ZPLD1: variants seen among roughly 807,000 people sequenced by gnomAD.
ZPLD1 encodes the protein zona pellucida like domain containing 1, also known as zona pellucida-like domain-containing protein 1.
In ZPLD1, 34 loss-of-function variants were observed where a neutral mutation model predicts 47.2. That is an observed-to-expected ratio of 0.72 (90% CI 0.55 to 0.96). The LOEUF (loss-of-function observed/expected upper bound fraction) is 0.96, where lower values mean the gene tolerates loss of function less well. Among genes scored for constraint, ZPLD1 ranks in the 40% least tolerant of loss-of-function variants. The pLI is 0.00. For synonymous variants in ZPLD1, 176 were observed against 186.2 expected (o/e 0.95, Z 0.45); for missense variants, 512 against 505.8 (o/e 1.01, Z -0.12).
At chr3:102,412,635 ATAAG>A (rs1453341054) in intron 7 of ZPLD1, among the ~76,000 whole-genome samples, 5 of 151,802 alleles carry the variant, frequency 3.3e-5, no homozygotes, top group Non-Finnish European at 7.4e-5. Context: ...AGGAGGAAGA[ATAAG>A]TAACTATAAC....
chr3:102,412,857 A>G (rs1029872954), intron 7 of ZPLD1, among the ~76,000 whole-genome samples: 3 of 151,554 alleles, frequency 2.0e-5, no homozygotes, highest in African/African-American at 4.8e-5. Context: ...GTGTGTGTGC[A>G]AGAGAGGGAG....
At chr3:102,453,469 A>C (rs1415395081) in intron 4 of ZPLD1, among the ~76,000 whole-genome samples, 1 of 152,202 alleles carries the variant, frequency 6.6e-6, no homozygotes, top group East Asian at 1.9e-4. Context: ...ATATCTGACC[A>C]TTCAAACAAT....
intron 9 of ZPLD1, among the ~76,000 whole-genome samples, chr3:102,469,656 G>A (rs2107354266): frequency 6.6e-6 from 1 of 152,280 alleles, no homozygotes; most frequent in East Asian, 1.9e-4. Context: ...TTCTTCAGTA[G>A]GGTTGTAGAG....
At chr3:102,447,206 C>A (rs1373019081) in intron 3 of ZPLD1, among the ~76,000 whole-genome samples, 1 of 152,150 alleles carries the variant, frequency 6.6e-6, no homozygotes, top group Non-Finnish European at 1.5e-5. Context: ...GCTGGGATTA[C>A]AGACATGCGT....
At chr3:102,416,488 A>G (rs746485958) in intron 7 of ZPLD1, among the ~76,000 whole-genome samples, 1 of 151,942 alleles carries the variant, frequency 6.6e-6, no homozygotes, top group African/African-American at 2.4e-5. Context: ...AACCTGAAAC[A>G]TTGCTTGAAA....
intron 7 of ZPLD1, among the ~76,000 whole-genome samples, chr3:102,412,929 G>T (rs1320530195): frequency 2.6e-5 from 4 of 151,608 alleles, no homozygotes; most frequent in African/African-American, 9.7e-5. Flanking sequence ...GGGCGTATTG[G>T]ATTAATTATA....
At chr3:102,447,728 G>A (rs1263668144) in intron 3 of ZPLD1, among the ~76,000 whole-genome samples, 1 of 152,088 alleles carries the variant, frequency 6.6e-6, no homozygotes, top group Non-Finnish European at 1.5e-5. Context: ...TTTAAGTAAG[G>A]TCAGTATAAA....
chr3:102,469,276 A>G (rs1310938309), intron 9 of ZPLD1, 141 bp downstream of exon 9: 3 of 900,068 alleles, frequency 3.3e-6, no homozygotes, highest in South Asian at 4.0e-5. Flanking sequence ...TCATTTGTCT[A>G]GTAAAGATCT....
chr3:102,450,033 A>G (rs900977166), intron 3 of ZPLD1, among the ~76,000 whole-genome samples: 2 of 152,204 alleles, frequency 1.3e-5, no homozygotes, highest in African/African-American at 4.8e-5. Context: ...AAATACATAT[A>G]TGATTCTAAG....
intron 7 of ZPLD1, among the ~76,000 whole-genome samples, chr3:102,415,154 A>G (rs563227905): frequency 6.6e-5 from 10 of 151,962 alleles, no homozygotes; most frequent in African/African-American, 2.4e-4. Context: ...TCCCATTAGG[A>G]CATAGAGCCA....
rs1005644256 is a variant in ZPLD1 at position 102,478,904 on chromosome 3, G to T, written c.*1286G>T. ...GCCATGTTAACTATAAGCAATTGCT[G>T]TAATCACTAATTTCTATTCAACATT... On this transcript the variant is annotated 3_prime_UTR_variant, in exon 12 of 12. Coordinates refer to ENST00000466937, the MANE Select transcript of ZPLD1 (RefSeq NM_001329788.2). The T allele has an allele frequency of 5.9e-5, 9 of 152,162 alleles. No individual in the cohort carries two copies. Among genetic ancestry groups the T allele is most frequent in the Admixed American group, 5.2e-4 (8 of 15,272 alleles). 9.4% of individuals were successfully genotyped at this position (152,162 alleles called of 1,614,324 possible). A position where few individuals can be genotyped will look rare whatever the true frequency, so the allele number is the denominator to read the frequency against.
chr3:102,431,658 C>G (rs1270181518), upstream of ZPLD1, among the ~76,000 whole-genome samples: 1 of 152,148 alleles, frequency 6.6e-6, no homozygotes, highest in African/African-American at 2.4e-5. Context: ...CCTGTAATCC[C>G]AGAATTTTGG....
intron 6 of ZPLD1, among the ~76,000 whole-genome samples, chr3:102,459,994 T>G (rs1707481581): frequency 6.6e-6 from 1 of 152,114 alleles, no homozygotes; most frequent in South Asian, 2.1e-4. Flanking sequence ...CTAAAAATTT[T>G]TTAACACAGT....
intron 7 of ZPLD1, among the ~76,000 whole-genome samples, chr3:102,393,047 T>C (rs547346806): frequency 2.6e-5 from 4 of 152,318 alleles, no homozygotes; most frequent in African/African-American, 9.6e-5. Context: ...CTATAATTTC[T>C]TATCTAAGGC....
At chr3:102,411,558 G>A (rs931176768) in intron 7 of ZPLD1, among the ~76,000 whole-genome samples, 1 of 151,714 alleles carries the variant, frequency 6.6e-6, no homozygotes, top group Non-Finnish European at 1.5e-5. Flanking sequence ...ACTGGGCTTG[G>A]TGAAGCAAGT....
At chr3:102,448,561 A>T (rs1707292581) in intron 3 of ZPLD1, among the ~76,000 whole-genome samples, 1 of 152,210 alleles carries the variant, frequency 6.6e-6, no homozygotes, top group Admixed American at 6.5e-5. Context: ...ACTAGTGAAA[A>T]GTCCTTAGAA....
At chr3:102,408,446 A>G (rs1461417230) in intron 7 of ZPLD1, among the ~76,000 whole-genome samples, 2 of 151,880 alleles carry the variant, frequency 1.3e-5, no homozygotes, top group East Asian at 3.9e-4. Flanking sequence ...AACATTAGCC[A>G]TTAAGTTAAT....
At chr3:102,390,091 A>G (rs1216134292) in intron 6 of ZPLD1, among the ~76,000 whole-genome samples, 1 of 152,218 alleles carries the variant, frequency 6.6e-6, no homozygotes, top group East Asian at 1.9e-4. Flanking sequence ...CAGAGTTAAT[A>G]ACCAGATATA....
At chr3:102,454,954 G>C (rs964004677) in intron 4 of ZPLD1, among the ~76,000 whole-genome samples, 9 of 152,230 alleles carry the variant, frequency 5.9e-5, no homozygotes, top group Admixed American at 4.6e-4. Flanking sequence ...AGTAGTGGGA[G>C]GAGGGGAAGA....
Sources: gnomAD v4.1 joint callset for allele counts (sites outside exome capture counted in the v4.1 genomes callset) on GRCh38, gnomAD v4.1.1 for gene constraint, MANE v1.5 for transcripts, NCBI Gene and HGNC (gene_info 2026-07-23, HGNC 2026-07-21) for gene names.